CAST: variants seen among roughly 807,000 people sequenced by gnomAD.
CAST encodes MIR583 host.
In CAST, 76 loss-of-function variants were observed where a neutral mutation model predicts 119.6. The observed-to-expected ratio is 0.64, with a 90% CI of 0.53 to 0.77. The LOEUF (loss-of-function observed/expected upper bound fraction) is 0.77, where lower values mean the gene tolerates loss of function less well. Ranked by LOEUF, CAST falls within the 30% of genes least tolerant of loss-of-function variation. CAST has a pLI of 0.00. For missense variants in CAST, 953 were observed against 946.5 expected (o/e 1.01, Z -0.09); for synonymous variants, 319 against 331.6 (o/e 0.96, Z 0.41).
At chr5:96,425,021 AAAGAAAG>A in the CAST span, among the ~76,000 whole-genome samples, 19 of 63,566 alleles carry the variant, frequency 3.0e-4, no homozygotes, top group African/African-American at 6.9e-4. Flanking sequence ...AGAAAGAAAG[AAAGAAAG>A]AAAGAAAGAA....
chr5:96,221,084 G>C, the CAST span, among the ~76,000 whole-genome samples: 1 of 152,020 alleles, frequency 6.6e-6, no homozygotes, highest in Admixed American at 6.6e-5. Context: ...GGCCTGTTGT[G>C]GATTGATTTG....
At chr5:95,965,994 A>G in the CAST span, among the ~76,000 whole-genome samples, 1 of 152,112 alleles carries the variant, frequency 6.6e-6, no homozygotes, top group South Asian at 2.1e-4. Flanking sequence ...GAGTAGTAGG[A>G]CAGTTAATTT....
At chr5:96,420,244 T>A in the CAST span, among the ~76,000 whole-genome samples, 19 of 152,322 alleles carry the variant, frequency 1.2e-4, no homozygotes, top group African/African-American at 4.3e-4. Flanking sequence ...GGTAAGTGAT[T>A]TCTCCAAGGT....
the CAST span, among the ~76,000 whole-genome samples, chr5:96,210,951 A>G: frequency 6.6e-6 from 1 of 151,712 alleles, no homozygotes; most frequent in African/African-American, 2.4e-5. Context: ...TTGTATTTTT[A>G]ATTTTGGTGT....
chr5:96,014,651 T>C, the CAST span, among the ~76,000 whole-genome samples: 4 of 152,142 alleles, frequency 2.6e-5, no homozygotes, highest in Non-Finnish European at 5.9e-5. Flanking sequence ...TATAATCTTA[T>C]GGGACACTCT....
the CAST span, among the ~76,000 whole-genome samples, chr5:96,469,297 T>C: frequency 3.9e-5 from 6 of 152,046 alleles, no homozygotes; most frequent in East Asian, 1.2e-3. Flanking sequence ...ACAACTCTAA[T>C]TTGAGAGTCT....
At chr5:96,177,141 T>TA in the CAST span, among the ~76,000 whole-genome samples, 1 of 152,134 alleles carries the variant, frequency 6.6e-6, no homozygotes, top group East Asian at 1.9e-4. Flanking sequence ...TATCCCTCAT[T>TA]AAAAAATCTA....
At chr5:96,358,475 T>C in the CAST span, among the ~76,000 whole-genome samples, 4 of 152,194 alleles carry the variant, frequency 2.6e-5, 1 homozygote, top group East Asian at 5.8e-4. Context: ...TTTAGTGCTA[T>C]AAATTTCCCC....
the CAST span, among the ~76,000 whole-genome samples, chr5:96,080,131 G>A: frequency 1.3e-5 from 2 of 152,150 alleles, no homozygotes; most frequent in Non-Finnish European, 2.9e-5. Context: ...CCTAGGACAA[G>A]TTACTCAACT....
At chr5:96,080,263 CA>C in the CAST span, among the ~76,000 whole-genome samples, 1 of 152,186 alleles carries the variant, frequency 6.6e-6, no homozygotes, top group Non-Finnish European at 1.5e-5. Flanking sequence ...ACATATAATA[CA>C]TTCTACATAA....
chr5:96,424,118 T>A, the CAST span, among the ~76,000 whole-genome samples: 1 of 152,128 alleles, frequency 6.6e-6, no homozygotes, highest in African/African-American at 2.4e-5. Flanking sequence ...GGAACACAGA[T>A]ATAAGCACAT....
the CAST span, among the ~76,000 whole-genome samples, chr5:96,167,425 AC>A: frequency 6.6e-6 from 1 of 152,154 alleles, no homozygotes; most frequent in Non-Finnish European, 1.5e-5. Flanking sequence ...CTGGGATGAG[AC>A]TGGGGCCTAA....
At chr5:96,266,055 A>G in the CAST span, among the ~76,000 whole-genome samples, 1 of 152,238 alleles carries the variant, frequency 6.6e-6, no homozygotes, top group Non-Finnish European at 1.5e-5. Flanking sequence ...ATGGCTTTGT[A>G]AAAGCAAGCT....
At chr5:96,386,379 G>A in the CAST span, among the ~76,000 whole-genome samples, 1 of 152,180 alleles carries the variant, frequency 6.6e-6, no homozygotes, top group African/African-American at 2.4e-5. Context: ...CCTCGTTGCA[G>A]TTCAGTCTAC....
At chr5:96,712,424 A>G (rs1756360256) in intron 3 of CAST, among the ~76,000 whole-genome samples, 2 of 152,056 alleles carry the variant, frequency 1.3e-5, no homozygotes, top group African/African-American at 4.8e-5. Flanking sequence ...CTTTATGTCC[A>G]GGCTCAAGTG....
At chr5:96,227,192 A>C in the CAST span, among the ~76,000 whole-genome samples, 1 of 152,216 alleles carries the variant, frequency 6.6e-6, no homozygotes, top group African/African-American at 2.4e-5. Flanking sequence ...AATGAAGCAG[A>C]AGAAGTACAT....
intron 3 of CAST, among the ~76,000 whole-genome samples, chr5:96,703,947 A>G (rs1208645892): frequency 6.6e-6 from 1 of 152,200 alleles, no homozygotes; most frequent in Non-Finnish European, 1.5e-5. Context: ...TCAGTATCTA[A>G]AAGGAATATT....
At chr5:96,035,154 T>TAC in the CAST span, among the ~76,000 whole-genome samples, 7 of 144,876 alleles carry the variant, frequency 4.8e-5, no homozygotes, top group African/African-American at 1.5e-4. Flanking sequence ...ATTTTATATA[T>TAC]ACTTCAAAAT....
the CAST span, among the ~76,000 whole-genome samples, chr5:96,335,099 G>A: frequency 2.0e-5 from 3 of 151,950 alleles, no homozygotes; most frequent in East Asian, 5.8e-4. Flanking sequence ...CTCTTGCAGG[G>A]GTATGTCCTC....
Sources: allele counts gnomAD v4.1 joint callset (sites outside exome capture counted in the v4.1 genomes callset), GRCh38; gene constraint gnomAD v4.1.1; transcripts MANE v1.5; gene names NCBI Gene and HGNC (gene_info 2026-07-23, HGNC 2026-07-21).